Variants in MYCBP2 observed in about 807,000 individuals in gnomAD.
MYCBP2 encodes the protein MYC binding protein 2.
MYCBP2 carries 120 observed loss-of-function variants against 525.3 expected under a neutral mutation model. The ratio of observed to expected loss-of-function variants is 0.23; its 90% CI spans 0.20 to 0.27. The LOEUF (loss-of-function observed/expected upper bound fraction) is 0.27. Among genes scored for constraint, MYCBP2 ranks in the 10% least tolerant of loss-of-function variants. The pLI, the probability that MYCBP2 is intolerant of heterozygous loss-of-function variation, is 1.00. For missense variants in MYCBP2, 4,149 were observed against 5,657.1 expected, an observed-to-expected ratio of 0.73 and a Z score of 8.55; for synonymous variants, 1,894 against 1,955.8, an observed-to-expected ratio of 0.97 and a Z score of 0.83.
At position 77,055,573 on chromosome 13, in the gene MYCBP2, G is replaced by A. The variant is rs2037789867; in HGVS notation, c.13632C>T (p.Cys4544=). 6.2e-7 allele frequency: 1 copy of A among 1,613,570 alleles called. No homozygotes were observed. Among genetic ancestry groups the A allele is most frequent in the South Asian group, 1.1e-5 (1 of 91,024 alleles). Residue 4544 remains cysteine (C), a synonymous_variant, in exon 80 of 83, where the codon TGC becomes TGT. Transcript: ENST00000544440. ...TATAGCATACCTTTCTGCATTTGTA[G>A]CACACATAATATGCATATCTATTCA... ...YAMNRYAYYV[C]YKCRKAYFGG...
chr13:77,179,054 C>G (rs992148186), intron 34 of MYCBP2, among the ~76,000 whole-genome samples: 1 of 152,090 alleles, frequency 6.6e-6, no homozygotes, highest in African/African-American at 2.4e-5. Flanking sequence ...AAAATTAGCT[C>G]AAGTGTATGC....
intron 18 of MYCBP2, among the ~76,000 whole-genome samples, chr13:77,230,593 T>C (rs1321298404): frequency 6.6e-6 from 1 of 152,226 alleles, no homozygotes; most frequent in Non-Finnish European, 1.5e-5. Flanking sequence ...ATATTTCATA[T>C]ACAAATTACT....
At chr13:77,147,740 C>A (rs1187101665) in intron 47 of MYCBP2, among the ~76,000 whole-genome samples, 1 of 152,152 alleles carries the variant, frequency 6.6e-6, no homozygotes, top group East Asian at 1.9e-4. Flanking sequence ...TATTTCATCA[C>A]TCTCCCTCAA....
chr13:77,123,471 C>CA (rs1415767839), intron 54 of MYCBP2, among the ~76,000 whole-genome samples: 3 of 152,160 alleles, frequency 2.0e-5, no homozygotes, highest in Non-Finnish European at 4.4e-5. Context: ...TGATCCTTAG[C>CA]ATGGAAGGCA....
intron 29 of MYCBP2, 95 bp downstream of exon 29, chr13:77,190,157 A>C (rs1452389681): frequency 4.5e-6 from 3 of 662,440 alleles, no homozygotes; most frequent in Non-Finnish European, 7.5e-6. Context: ...AATGCTTCAA[A>C]TAATTTCTCC....
chr13:77,161,463 A>C (rs1409126620), intron 44 of MYCBP2, among the ~76,000 whole-genome samples: 1 of 152,222 alleles, frequency 6.6e-6, no homozygotes, highest in Non-Finnish European at 1.5e-5. Context: ...TTAATATGAC[A>C]TACTGGTTTG....
Position 77,095,527 on chromosome 13 carries a change from T to G in MYCBP2, c.10030A>C (p.Ile3344Leu). 1 of 1,613,592 alleles carries G rather than the reference T, an allele frequency of 6.2e-7. No homozygotes were observed. The highest frequency in any genetic ancestry group is 8.5e-7 in the Non-Finnish European group (1 of 1,179,718). The change falls in exon 58 of 83, where the codon ATT becomes CTT. Residue 3344 changes from isoleucine (I) to leucine (L), a missense_variant. Transcript: ENST00000544440. The part of the protein sequence containing the change: ...ALPTMEAHQV[I>L]KANALFLLSL... ...AGCAGGAAGAGTGCATTGGCTTTAA[T>G]CACCTGGTGAGCTTCCATGGTGGGC...
At chr13:77,174,638 C>T (rs566629667) in intron 36 of MYCBP2, 149 bp from the exon 37 acceptor site, 28 of 627,446 alleles carry the variant, frequency 4.5e-5, no homozygotes, top group Non-Finnish European at 6.5e-5. Context: ...GAATCAAACA[C>T]GATGACGGCT....
At chr13:77,145,851 C>T (rs1053719396) in intron 48 of MYCBP2, among the ~76,000 whole-genome samples, 3 of 151,586 alleles carry the variant, frequency 2.0e-5, no homozygotes, top group African/African-American at 7.3e-5. Context: ...TTTTAAATAG[C>T]AAACAAACAA....
intron 26 of MYCBP2, among the ~76,000 whole-genome samples, chr13:77,200,368 G>A (rs1251011446): frequency 2.6e-5 from 4 of 152,096 alleles, no homozygotes; most frequent in African/African-American, 9.7e-5. Context: ...AACGAACAAA[G>A]CCTCCAAGAA....
At position 77,251,365 on chromosome 13, in the gene MYCBP2, A is replaced by G; in HGVS notation, c.2177-10T>C. The G allele has an allele frequency of 6.2e-7, 1 of 1,611,700 alleles. No homozygotes were observed. The highest frequency in any genetic ancestry group is 8.5e-7 in the Non-Finnish European group (1 of 1,178,388). ...TTTTCAACTCCAAACCCTATTTGACAGATCAATTTGTAATTTTTATACAGG... is the reference window on the plus strand; with the variant it reads ...TTTTCAACTCCAAACCCTATTTGACGGATCAATTTGTAATTTTTATACAGG... On this transcript the variant is annotated splice_polypyrimidine_tract_variant and intron_variant, in intron 14 of 82. Coordinates refer to ENST00000544440, the MANE Select transcript of MYCBP2 (RefSeq NM_015057.5).
intron 2 of MYCBP2, among the ~76,000 whole-genome samples, chr13:77,294,163 A>G (rs1364257024): frequency 1.4e-5 from 1 of 71,932 alleles, no homozygotes; most frequent in Non-Finnish European, 3.7e-5. Context: ...AAATATATAT[A>G]AAGTAGATAT....
At chr13:77,163,592 T>C (rs755702900) in intron 43 of MYCBP2, among the ~76,000 whole-genome samples, 9 of 152,182 alleles carry the variant, frequency 5.9e-5, no homozygotes, top group Admixed American at 5.2e-4. Context: ...GATTAATCTA[T>C]ATATCATACA....
chr13:77,287,024 A>ACAGGCG (rs1424027854), intron 3 of MYCBP2, among the ~76,000 whole-genome samples: 1 of 137,922 alleles, frequency 7.3e-6, no homozygotes, highest in African/African-American at 2.8e-5. Flanking sequence ...AGCTGGGACT[A>ACAGGCG]CAGGCGCCCG....
In MYCBP2 at chr13:77,260,561, T is replaced by C. The variant is rs1287859342; in HGVS notation, c.1884A>G (p.Lys628=). Residue 628 remains lysine (K), a synonymous_variant, in exon 13 of 83, where the codon AAA becomes AAG. Coordinates refer to ENST00000544440, the MANE Select transcript of MYCBP2 (RefSeq NM_015057.5). ...TKSRRQSKPY[K]PKKIIKMEGK... is the part of the protein sequence containing the mutation. ...CTTCCATCTTAATTATCTTTTTAGG[T>C]TTATAAGGTTTGGATTGCCGTCTGC... 4 of 1,609,126 alleles carry C rather than the reference T, an allele frequency of 2.5e-6. No homozygotes were observed. The highest frequency in any genetic ancestry group is 3.4e-6 in the Non-Finnish European group (4 of 1,178,512).
At position 77,064,758 on chromosome 13, in the gene MYCBP2, T is replaced by C. The variant is rs759974284; in HGVS notation, c.12553-24A>G. The C allele has an allele frequency of 1.1e-5, 18 of 1,590,994 alleles. No individual in the cohort carries two copies. The Middle Eastern group carries it at 6.6e-4, about 59-fold the overall frequency. On this transcript the variant is annotated intron_variant, in intron 72 of 82. Coordinates refer to ENST00000544440, the MANE Select transcript of MYCBP2 (RefSeq NM_015057.5). ...CCCTATTGAGCAGAACAGAGTATTT[T>C]AATAAGTGACCAGAAATGTATTACC...
In MYCBP2 at chr13:77,243,876, A is replaced by G. The variant is rs1186704218; in HGVS notation, c.2457T>C (p.Asp819=). ...GCCKACAREL[D]GQEARQRGIL... ...TTCCTCTTTGTCTTGCCTCTTGACC[A>G]TCTAACTCTCTTGCACAGGCCTTGC... Residue 819 remains aspartate, a synonymous_variant, in exon 16 of 83, where the codon GAT becomes GAC. Transcript: ENST00000544440. 2.5e-6 allele frequency: 4 copies of G among 1,612,970 alleles called. No individual in the cohort carries two copies. The African/African-American group carries it at 4.0e-5, about 16-fold the overall frequency.
chr13:77,318,494 G>A (rs1002592420), intron 1 of MYCBP2, among the ~76,000 whole-genome samples: 12 of 152,130 alleles, frequency 7.9e-5, no homozygotes, highest in Non-Finnish European at 2.9e-5. Flanking sequence ...AGTGGCTCAC[G>A]CCTGTAATCC....
At chr13:77,139,467 T>A in intron 51 of MYCBP2, 131 bp from the exon 52 acceptor site, 2 of 1,003,156 alleles carry the variant, frequency 2.0e-6, no homozygotes, top group Non-Finnish European at 2.8e-6. Context: ...TTGCAGAAAG[T>A]AAGTCTGAGA....
Sources: allele counts gnomAD v4.1 joint callset (sites outside exome capture counted in the v4.1 genomes callset), GRCh38; gene constraint gnomAD v4.1.1; transcripts MANE v1.5; gene names NCBI Gene and HGNC (gene_info 2026-07-23, HGNC 2026-07-21).